CXCL13: variants seen among roughly 807,000 people sequenced by gnomAD.
CXCL13 encodes the protein C-X-C motif chemokine 13.
A neutral mutation model predicts 12.2 loss-of-function variants in CXCL13; 7 were observed. The observed-to-expected ratio is 0.57, with a 90% CI of 0.33 to 1.07. The LOEUF is 1.07. Ranked by LOEUF, CXCL13 falls within the 50% of genes least tolerant of loss-of-function variation. The pLI, the probability that CXCL13 is intolerant of heterozygous loss-of-function variation, is 0.04. For missense variants in CXCL13, 113 were observed against 127.4 expected (o/e 0.89, Z 0.55); for synonymous variants, 47 against 42.4 (o/e 1.11, Z -0.42).
At chr4:77,581,224 T>A (rs1341868294) in intron 1 of CXCL13, among the ~76,000 whole-genome samples, 1 of 152,154 alleles carries the variant, frequency 6.6e-6, no homozygotes, top group African/African-American at 2.4e-5. Context: ...ATTGTACACT[T>A]TAAATGGGTG....
At chr4:77,529,680 G>A (rs890940562) in intron 1 of CXCL13, among the ~76,000 whole-genome samples, 22 of 152,200 alleles carry the variant, frequency 1.4e-4, no homozygotes, top group African/African-American at 4.6e-4. Flanking sequence ...TTTGGGCAGC[G>A]ACGATGGGGT....
chr4:77,575,448 C>A (rs1163057972), intron 1 of CXCL13, among the ~76,000 whole-genome samples: 2 of 151,636 alleles, frequency 1.3e-5, no homozygotes, highest in Non-Finnish European at 2.9e-5. Context: ...CCTCCCCCAG[C>A]CCCCTACCCC....
intron 1 of CXCL13, among the ~76,000 whole-genome samples, chr4:77,578,410 C>G (rs1245406852): frequency 6.6e-6 from 1 of 152,156 alleles, no homozygotes; most frequent in East Asian, 1.9e-4. Flanking sequence ...CATTCTTATC[C>G]TTATCTTTGT....
At chr4:77,537,812 C>G (rs1055406002) in intron 1 of CXCL13, among the ~76,000 whole-genome samples, 1 of 152,092 alleles carries the variant, frequency 6.6e-6, no homozygotes. Context: ...TCTATGGATC[C>G]TAGGGTAGAC....
chr4:77,519,004 T>C (rs1369387335), intron 1 of CXCL13, among the ~76,000 whole-genome samples: 1 of 152,212 alleles, frequency 6.6e-6, no homozygotes, highest in Non-Finnish European at 1.5e-5. Context: ...TAGTTTTCCT[T>C]CTAACAGAGA....
At position 77,559,921 on chromosome 4, in the gene CXCL13, C is replaced by CAAAA. The variant is rs751894798; in HGVS notation, c.-42-45887_-42-45884dup. 4.4e-3 allele frequency among the ~76,000 whole-genome samples: 338 copies of CAAAA among 77,066 alleles called. 9 individuals are homozygous for CAAAA. The highest frequency in any genetic ancestry group is 0.013 in the African/African-American group (319 of 24,018). The allele number at this position is 77,066 out of a possible 152,430, so 50.6% of individuals were successfully genotyped here. On this transcript the variant is annotated intron_variant, in intron 1 of 4. Coordinates refer to the CXCL13 transcript ENST00000286758. ...TGGGTGAGAGAGCGAGACTCCATCA[C>CAAAA]AAAAAAAAAAAAAAAAAAACCTGAC...
chr4:77,562,046 G>A (rs751965784), intron 1 of CXCL13, among the ~76,000 whole-genome samples: 1 of 152,152 alleles, frequency 6.6e-6, no homozygotes. Flanking sequence ...GGGTCCCCCA[G>A]CAGTGCTGGC....
intron 1 of CXCL13, among the ~76,000 whole-genome samples, chr4:77,524,765 C>T (rs1042127200): frequency 6.6e-6 from 1 of 152,158 alleles, no homozygotes; most frequent in Non-Finnish European, 1.5e-5. Flanking sequence ...AACCAGGTAC[C>T]TCAGTTGGAA....
At chr4:77,512,970 A>G (rs1724310941) in intron 1 of CXCL13, among the ~76,000 whole-genome samples, 1 of 151,898 alleles carries the variant, frequency 6.6e-6, no homozygotes, top group Admixed American at 6.6e-5. Flanking sequence ...GATGTTCCCC[A>G]TCCTGTGTCC....
intron 1 of CXCL13, among the ~76,000 whole-genome samples, chr4:77,524,730 C>T (rs1724718406): frequency 6.6e-6 from 1 of 152,136 alleles, no homozygotes. Flanking sequence ...GCTGCATCCA[C>T]TGTCCAACCA....
At position 77,546,144 on chromosome 4, in the gene CXCL13, G is replaced by C. The variant is rs140886938; in HGVS notation, c.-43+34356G>C. 6.6e-5 allele frequency among the ~76,000 whole-genome samples: 10 copies of C among 152,254 alleles called. No homozygotes were observed. In the East Asian group the frequency reaches 1.9e-3, roughly 29 times the overall value. ...GCTTTTTGATGTGCTGCTGGATTTG[G>C]CTTGCCACTATCTTACTGAGGATTT... On this transcript the variant is annotated intron_variant, in intron 1 of 4. Coordinates refer to the CXCL13 transcript ENST00000286758.
intron 1 of CXCL13, among the ~76,000 whole-genome samples, chr4:77,555,070 GAAAT>G (rs1217662507): frequency 6.6e-6 from 1 of 151,260 alleles, no homozygotes; most frequent in Admixed American, 6.6e-5. Context: ...TAGAAGGTAA[GAAAT>G]AAAAATATGA....
chr4:77,541,091 T>A (rs955348486), intron 1 of CXCL13, among the ~76,000 whole-genome samples: 15 of 152,212 alleles, frequency 9.9e-5, no homozygotes, highest in African/African-American at 3.4e-4. Flanking sequence ...TGCCCATTCT[T>A]AATGGGGTTA....
chr4:77,531,584 C>A (rs2109794904), intron 1 of CXCL13, among the ~76,000 whole-genome samples: 1 of 152,150 alleles, frequency 6.6e-6, no homozygotes, highest in Middle Eastern at 3.4e-3. Context: ...GAGCTGAGAT[C>A]AATTCCTGGA....
intron 1 of CXCL13, among the ~76,000 whole-genome samples, chr4:77,529,211 G>A (rs190573745): frequency 1.7e-4 from 26 of 152,268 alleles, no homozygotes; most frequent in Admixed American, 3.3e-4. Flanking sequence ...GTCAGGTAGC[G>A]TGATGCCTCC....
chr4:77,565,457 A>C (rs1725905806), intron 1 of CXCL13, among the ~76,000 whole-genome samples: 1 of 152,232 alleles, frequency 6.6e-6, no homozygotes, highest in African/African-American at 2.4e-5. Flanking sequence ...AGACTTGTTC[A>C]CTAACTGTGA....
chr4:77,525,573 A>G (rs1441553131), intron 1 of CXCL13, among the ~76,000 whole-genome samples: 1 of 152,050 alleles, frequency 6.6e-6, no homozygotes, highest in African/African-American at 2.4e-5. Flanking sequence ...GGTCAGCAAA[A>G]TGCGTGAATG....
chr4:77,570,027 G>A (rs1553916804), intron 1 of CXCL13, among the ~76,000 whole-genome samples: 1 of 152,128 alleles, frequency 6.6e-6, no homozygotes, highest in Non-Finnish European at 1.5e-5. Flanking sequence ...AATGGAAAAA[G>A]GACTCCCTAT....
chr4:77,561,506 T>C (rs980275618), intron 1 of CXCL13, among the ~76,000 whole-genome samples: 4 of 152,240 alleles, frequency 2.6e-5, no homozygotes, highest in Non-Finnish European at 4.4e-5. Flanking sequence ...ACCTGATACT[T>C]AGAGGCTAAC....
Sources: gnomAD v4.1 joint callset for allele counts (sites outside exome capture counted in the v4.1 genomes callset) on GRCh38, gnomAD v4.1.1 for gene constraint, MANE v1.5 for transcripts, NCBI Gene and HGNC (gene_info 2026-07-23, HGNC 2026-07-21) for gene names.